STXBP5: variants seen among roughly 807,000 people sequenced by gnomAD.
STXBP5 encodes the protein syntaxin-binding protein 5.
STXBP5 carries 50 observed loss-of-function variants against 152.4 expected under a neutral mutation model. The observed-to-expected ratio is 0.33, with a 90% CI of 0.26 to 0.42. STXBP5 has a LOEUF of 0.42. Among genes scored for constraint, STXBP5 ranks in the 10% least tolerant of loss-of-function variants. The pLI is 1.00. For synonymous variants in STXBP5, 492 were observed against 494.7 expected, an observed-to-expected ratio of 0.99 and a Z score of 0.07; for missense variants, 1,167 against 1,388.6, an observed-to-expected ratio of 0.84 and a Z score of 2.54.
intron 6 of STXBP5, among the ~76,000 whole-genome samples, chr6:147,266,269 A>G (rs1302241645): frequency 6.6e-6 from 1 of 152,106 alleles, no homozygotes; most frequent in Non-Finnish European, 1.5e-5. Flanking sequence ...TGTGGCATTT[A>G]AAAGTTTTAA....
intron 9 of STXBP5, among the ~76,000 whole-genome samples, chr6:147,301,954 C>T (rs892320056): frequency 6.6e-6 from 1 of 151,988 alleles, no homozygotes; most frequent in Non-Finnish European, 1.5e-5. Context: ...GTTATAATCC[C>T]GTATTGCCAG....
intron 11 of STXBP5, 126 bp from the exon 12 acceptor site, chr6:147,313,758 T>C (rs1166942094): frequency 3.2e-6 from 2 of 629,638 alleles, no homozygotes; most frequent in Non-Finnish European, 4.8e-6. Context: ...TTAAATATAT[T>C]TACAAAAATT....
intron 2 of STXBP5, among the ~76,000 whole-genome samples, chr6:147,212,088 G>T (rs1165908711): frequency 6.6e-6 from 1 of 152,202 alleles, no homozygotes; most frequent in Admixed American, 6.5e-5. Context: ...GCTGTAAGTT[G>T]TGATTCTTAG....
intron 16 of STXBP5, among the ~76,000 whole-genome samples, chr6:147,324,330 T>G (rs1227492892): frequency 8.1e-6 from 1 of 123,070 alleles, no homozygotes; most frequent in Non-Finnish European, 1.6e-5. Context: ...TGGAGTACAA[T>G]GGCGCGATCT....
chr6:147,347,750 A>C (rs1784401427), intron 21 of STXBP5, among the ~76,000 whole-genome samples: 1 of 152,222 alleles, frequency 6.6e-6, no homozygotes, highest in Non-Finnish European at 1.5e-5. Context: ...GAAAAGATAC[A>C]TCTTGTAATA....
intron 16 of STXBP5, among the ~76,000 whole-genome samples, chr6:147,324,165 A>G (rs1446809456): frequency 6.6e-6 from 1 of 151,718 alleles, no homozygotes; most frequent in Non-Finnish European, 1.5e-5. Flanking sequence ...CACACACACA[A>G]ATTGCTCATA....
intron 7 of STXBP5, among the ~76,000 whole-genome samples, chr6:147,271,475 G>A (rs2582924): frequency 0.58 from 88,390 of 151,866 alleles, 26,937 homozygotes; most frequent in African/African-American, 0.77. Context: ...ATTTTACTAT[G>A]CTAAAATTAG....
intron 3 of STXBP5, among the ~76,000 whole-genome samples, chr6:147,236,231 AT>A (rs1490286288): frequency 2.6e-5 from 4 of 152,146 alleles, no homozygotes; most frequent in African/African-American, 9.7e-5. Context: ...AGTTGTCTAG[AT>A]TTTTCAAGGT....
At chr6:147,284,656 A>C (rs1316497319) in intron 8 of STXBP5, among the ~76,000 whole-genome samples, 1 of 152,208 alleles carries the variant, frequency 6.6e-6, no homozygotes, top group African/African-American at 2.4e-5. Context: ...AGCAAAGAGC[A>C]GGGCAAAGTT....
chr6:147,383,430 C>T (rs959188131), intron 27 of STXBP5, among the ~76,000 whole-genome samples: 6 of 151,934 alleles, frequency 3.9e-5, no homozygotes, highest in African/African-American at 9.7e-5. Context: ...ATACTAAGTC[C>T]GCGTTGTGGA....
At chr6:147,376,694 C>T (rs1358433408) in intron 26 of STXBP5, among the ~76,000 whole-genome samples, 2 of 151,770 alleles carry the variant, frequency 1.3e-5, no homozygotes, top group African/African-American at 2.4e-5. Context: ...ACCTGTAGAC[C>T]CACTTACTCA....
Position 147,204,626 on chromosome 6 carries a change from A to G in STXBP5, c.94A>G (p.Asn32Asp). The change falls in exon 1 of 28, where the codon AAC (asparagine) becomes GAC (aspartate). Residue 32 changes from asparagine (N) to aspartate (D), a missense_variant. Transcript: ENST00000321680. This position sits in a 1 kb window ranked among gnomAD's most constrained non-coding sequence, Gnocchi z 4.3. ...GCAACAGCAGCAGCATCCGCCTGGGAACCGGGAGCCGGAGATCCAGGAAAC... is the reference window on the plus strand; with the variant it reads ...GCAACAGCAGCAGCATCCGCCTGGGGACCGGGAGCCGGAGATCCAGGAAAC... ...QQQQQQHPPG[N>D]REPEIQETLQ... 1 of 1,610,840 alleles carries G rather than the reference A, an allele frequency of 6.2e-7. No homozygotes were observed. The highest frequency in any genetic ancestry group is 8.5e-7 in the Non-Finnish European group (1 of 1,178,426).
chr6:147,281,978 T>C lies in STXBP5; in HGVS notation c.838+3774T>C, dbSNP rs553679848. 7.2e-5 allele frequency among the ~76,000 whole-genome samples: 11 copies of C among 152,308 alleles called. No homozygotes were observed. In the South Asian group the frequency reaches 1.7e-3, roughly 23 times the overall value. ...AACTTGACCTAGTCTCATACAGTTGTTGTGAGGATTGTATTTACTCATTCT... is the reference window on the plus strand; with the variant it reads ...AACTTGACCTAGTCTCATACAGTTGCTGTGAGGATTGTATTTACTCATTCT... On this transcript the variant is annotated intron_variant, in intron 8 of 27. Transcript: ENST00000321680.
chr6:147,213,477 T>TGCGCGCGCGCGCGCGCGCGCGCGC (rs1554282764), intron 2 of STXBP5, among the ~76,000 whole-genome samples: 14 of 131,274 alleles, frequency 1.1e-4, no homozygotes, highest in South Asian at 2.3e-4. Context: ...TGTGTGTGTG[T>TGCGCGCGCGCGCGCGCGCGCGCGC]GCGCGCGCAT....
At chr6:147,311,899 G>A (rs576176891) in intron 11 of STXBP5, among the ~76,000 whole-genome samples, 11 of 152,128 alleles carry the variant, frequency 7.2e-5, no homozygotes, top group South Asian at 2.1e-4. Flanking sequence ...ATGTTTATAC[G>A]TGCTTTTGCC....
At chr6:147,374,522 T>G (rs1358637504) in intron 26 of STXBP5, among the ~76,000 whole-genome samples, 2 of 152,206 alleles carry the variant, frequency 1.3e-5, no homozygotes, top group Non-Finnish European at 2.9e-5. Context: ...GTTTAAAAAA[T>G]GAAGACTGTT....
At chr6:147,272,886 T>C (rs2128338441) in intron 7 of STXBP5, among the ~76,000 whole-genome samples, 1 of 152,266 alleles carries the variant, frequency 6.6e-6, no homozygotes, top group East Asian at 1.9e-4. Flanking sequence ...ATTATTTTTT[T>C]AATTGACAAA....
In STXBP5 at chr6:147,389,003, T is replaced by TG. The variant is rs1174676160; in HGVS notation, c.*4254dup. ...TAGACTTTTTAATCTGTATTTACTTTGGGGGGAAAAAAGCACTCCTATATC... is the reference window on the plus strand; with the variant it reads ...TAGACTTTTTAATCTGTATTTACTTTGGGGGGGAAAAAAGCACTCCTATATC... On this transcript the variant is annotated 3_prime_UTR_variant, in exon 28 of 28. Transcript: ENST00000321680. 2.0e-5 allele frequency: 3 copies of TG among 151,582 alleles called. No individual in the cohort carries two copies. The highest frequency in any genetic ancestry group is 6.6e-5 in the Admixed American group (1 of 15,200). 9.4% of individuals were successfully genotyped at this position (151,582 alleles called of 1,614,324 possible).
At chr6:147,291,208 A>G (rs369535617) in intron 9 of STXBP5, 36 bp downstream of exon 9, 23 of 1,540,658 alleles carry the variant, frequency 1.5e-5, no homozygotes, top group South Asian at 1.2e-4. Flanking sequence ...TTCATTGTAT[A>G]TAAGTCCTCA....
Sources: allele counts gnomAD v4.1 joint callset (sites outside exome capture counted in the v4.1 genomes callset), GRCh38; gene constraint gnomAD v4.1.1; non-coding constraint Gnocchi (gnomAD v3.1); transcripts MANE v1.5; gene names NCBI Gene and HGNC (gene_info 2026-07-23, HGNC 2026-07-21).